The following CACNB4 variants were observed in gnomAD, a reference collection of about 807,000 sequenced individuals.
CACNB4 encodes calcium voltage-gated channel auxiliary subunit beta 4, also known as voltage-dependent L-type calcium channel subunit beta-4.
CACNB4 carries 32 observed loss-of-function variants against 71.2 expected under a neutral mutation model. That is an observed-to-expected ratio of 0.45 (90% CI 0.34 to 0.60). CACNB4 has a LOEUF of 0.60. CACNB4 is among the 20% of genes least tolerant of loss of function. The pLI is 0.01. For synonymous variants in CACNB4, 231 were observed against 236.9 expected (o/e 0.97, Z 0.23); for missense variants, 464 against 647.9 (o/e 0.72, Z 3.08).
intron 2 of CACNB4, among the ~76,000 whole-genome samples, chr2:151,905,665 G>A (rs1277601963): frequency 1.3e-5 from 2 of 152,170 alleles, no homozygotes; most frequent in Non-Finnish European, 2.9e-5. Context: ...GCTAACAAAT[G>A]GTTATTCTTC....
At chr2:152,099,046 G>A (rs759279804), upstream of CACNB4, 3 of 1,464,948 alleles carry the variant, frequency 2.0e-6, no homozygotes, top group African/African-American at 1.5e-5. Context: ...CCCGTGTGCG[G>A]TGGGCGGAGG....
intron 2 of CACNB4, chr2:151,973,281 T>C (rs1340132104): frequency 6.0e-6 from 1 of 168,014 alleles, no homozygotes; most frequent in Non-Finnish European, 1.3e-5. Flanking sequence ...CAACAAACAA[T>C]GTGTATTATA....
chr2:151,947,498 A>C (rs954696094), intron 2 of CACNB4, among the ~76,000 whole-genome samples: 4 of 152,310 alleles, frequency 2.6e-5, no homozygotes, highest in Admixed American at 2.6e-4. Context: ...ACACTTTAAG[A>C]GTCGCTGCTA....
At chr2:151,839,985 C>T (rs1189698749) in intron 13 of CACNB4, among the ~76,000 whole-genome samples, 1 of 152,126 alleles carries the variant, frequency 6.6e-6, no homozygotes. Flanking sequence ...AATCTTGCTT[C>T]CTCAACTAAA....
At chr2:151,885,915 T>C (rs1304259056) in intron 2 of CACNB4, among the ~76,000 whole-genome samples, 1 of 152,172 alleles carries the variant, frequency 6.6e-6, no homozygotes, top group African/African-American at 2.4e-5. Context: ...TGTCTGAGTT[T>C]AGGTATAGCT....
At chr2:151,992,997 A>C (rs1681797702) in intron 2 of CACNB4, among the ~76,000 whole-genome samples, 1 of 152,172 alleles carries the variant, frequency 6.6e-6, no homozygotes. Context: ...CAAATCTGGT[A>C]ATTATTGTCT....
intron 2 of CACNB4, among the ~76,000 whole-genome samples, chr2:151,932,843 A>AT (rs1258084902): frequency 6.6e-6 from 1 of 150,748 alleles, no homozygotes; most frequent in East Asian, 2.0e-4. Context: ...AAAAAAAAAA[A>AT]AGGTGGGGGG....
In CACNB4 at chr2:151,959,200, G is replaced by A. The variant is rs1438641268; in HGVS notation, c.148-75830C>T. On this transcript the variant is annotated intron_variant, in intron 2 of 13. Coordinates refer to ENST00000539935, the MANE Select transcript of CACNB4 (RefSeq NM_000726.5). ...ATGATATAGTTTATAGCCAGAGCCTGCTGAATGTCCTCATTTTCTGCCGGA... is the reference window on the plus strand; with the variant it reads ...ATGATATAGTTTATAGCCAGAGCCTACTGAATGTCCTCATTTTCTGCCGGA... 4.6e-5 allele frequency among the ~76,000 whole-genome samples: 7 copies of A among 152,204 alleles called. No individual in the cohort carries two copies. The East Asian group carries it at 1.3e-3, about 29-fold the overall frequency.
intron 2 of CACNB4, among the ~76,000 whole-genome samples, chr2:152,064,529 CCA>C (rs1286910766): frequency 6.6e-6 from 1 of 152,066 alleles, no homozygotes; most frequent in Admixed American, 6.5e-5. Context: ...TACAGGCACG[CCA>C]CACCATGCCC....
chr2:151,884,382 G>A (rs2099848782), intron 2 of CACNB4, among the ~76,000 whole-genome samples: 1 of 151,044 alleles, frequency 6.6e-6, no homozygotes, highest in Non-Finnish European at 1.5e-5. Flanking sequence ...TCAGCACTTT[G>A]GGAGGCCGAG....
At chr2:152,033,744 T>C (rs1048068501) in intron 2 of CACNB4, among the ~76,000 whole-genome samples, 1 of 152,086 alleles carries the variant, frequency 6.6e-6, no homozygotes, top group African/African-American at 2.4e-5. Context: ...TGTGAGAAAG[T>C]GGGAAGGAGG....
At position 152,070,479 on chromosome 2, in the gene CACNB4, C is replaced by CT. The variant is rs929148854; in HGVS notation, c.147+27850dup. ...CTGTGGCCCCATGAAGTCATACATG[C>CT]TTTTTTTATAGTTGGCAAAAACACT... On this transcript the variant is annotated intron_variant, in intron 2 of 13. Coordinates refer to ENST00000539935, the MANE Select transcript of CACNB4 (RefSeq NM_000726.5). 1.3e-4 allele frequency among the ~76,000 whole-genome samples: 19 copies of CT among 151,998 alleles called. 2 individuals carry two copies. Among genetic ancestry groups the CT allele is most frequent in the Admixed American group, 1.2e-3 (19 of 15,252 alleles).
intron 4 of CACNB4, among the ~76,000 whole-genome samples, chr2:151,877,792 G>A (rs182773234): frequency 6.6e-6 from 1 of 152,326 alleles, no homozygotes; most frequent in Non-Finnish European, 1.5e-5. Flanking sequence ...TTCCATTTAA[G>A]TTAAGTTCCA....
chr2:152,009,257 T>C (rs1267649515), intron 2 of CACNB4, among the ~76,000 whole-genome samples: 3 of 149,218 alleles, frequency 2.0e-5, no homozygotes, highest in Non-Finnish European at 4.5e-5. Flanking sequence ...TCAAAGCAGA[T>C]TGAAAAATAG....
intron 2 of CACNB4, among the ~76,000 whole-genome samples, chr2:152,077,325 C>T (rs1377066396): frequency 6.6e-6 from 1 of 152,152 alleles, no homozygotes; most frequent in Admixed American, 6.5e-5. Flanking sequence ...GAGGCCGAGG[C>T]ACATGGATCA....
intron 13 of CACNB4, among the ~76,000 whole-genome samples, chr2:151,839,820 T>C (rs1257234126): frequency 6.6e-6 from 1 of 152,230 alleles, no homozygotes; most frequent in Non-Finnish European, 1.5e-5. Context: ...CACCTTGATC[T>C]AACTGAATAT....
intron 4 of CACNB4, chr2:151,880,432 A>G: frequency 3.4e-6 from 1 of 297,332 alleles, no homozygotes; most frequent in Non-Finnish European, 6.4e-6. Context: ...TCCCCTGTAA[A>G]CAGTCCCTTC....
chr2:152,080,157 T>C (rs1272445962), intron 2 of CACNB4, among the ~76,000 whole-genome samples: 1 of 152,058 alleles, frequency 6.6e-6, no homozygotes, highest in Non-Finnish European at 1.5e-5. Flanking sequence ...AGTCTCGCTC[T>C]GTCGCCCAGG....
Position 151,839,283 on chromosome 2 carries a change from C to A in CACNB4, c.1399G>T (p.Ala467Ser). The part of the protein sequence containing the change: ...TSDENYHNER[A>S]RKSRNRLSSS... ...GACAAGCGGTTCCTACTCTTCCGAG[C>A]CCTTTCATTGTGATAATTTTCATCA... Residue 467 changes from alanine (A) to serine (S), a missense_variant, in exon 14 of 14, where the codon GCT (alanine) becomes TCT (serine). By Grantham distance (99) the Ala-to-Ser change is moderately conservative. Coordinates refer to ENST00000539935, the MANE Select transcript of CACNB4 (RefSeq NM_000726.5). The A allele has an allele frequency of 1.2e-6, 2 of 1,613,558 alleles. No homozygotes were observed. Among genetic ancestry groups the A allele is most frequent in the Admixed American group, 1.7e-5 (1 of 60,000 alleles).
Sources: allele counts gnomAD v4.1 joint callset (sites outside exome capture counted in the v4.1 genomes callset), GRCh38; gene constraint gnomAD v4.1.1; transcripts MANE v1.5; gene names NCBI Gene and HGNC (gene_info 2026-07-23, HGNC 2026-07-21).